The following NAT1 variants were observed in gnomAD, a reference collection of about 807,000 sequenced individuals.
NAT1 encodes the protein N-acetyltransferase 1.
For synonymous variants in NAT1, 144 were observed against 122.6 expected, an observed-to-expected ratio of 1.17 and a Z score of -1.16; for missense variants, 400 against 339.2, an observed-to-expected ratio of 1.18 and a Z score of -1.41.
intron 2 of NAT1, among the ~76,000 whole-genome samples, chr8:18,195,534 T>C (rs528584580): frequency 2.5e-3 from 379 of 152,332 alleles, no homozygotes; most frequent in Non-Finnish European, 4.7e-3. Context: ...CAGAGAACTG[T>C]ATACGCTTCC....
chr8:18,176,701 G>A (rs1802308103), intron 2 of NAT1, among the ~76,000 whole-genome samples: 1 of 151,546 alleles, frequency 6.6e-6, no homozygotes, highest in Admixed American at 6.6e-5. Flanking sequence ...GCTATTCAGG[G>A]TCTTTGTGGT....
intron 1 of NAT1, chr8:18,216,856 T>C (rs1375937623): frequency 1.4e-6 from 2 of 1,456,708 alleles, no homozygotes; most frequent in Admixed American, 4.0e-5. Context: ...TCATAAGAAC[T>C]CATAATTATT....
intron 1 of NAT1, among the ~76,000 whole-genome samples, chr8:18,215,673 T>C (rs9325827): frequency 0.14 from 21,319 of 152,170 alleles, 1,810 homozygotes; most frequent in East Asian, 0.37. Flanking sequence ...TTTTTTTGTA[T>C]ATAACTTTTG....
chr8:18,199,456 A>G (rs534892292), intron 2 of NAT1, among the ~76,000 whole-genome samples: 40 of 152,092 alleles, frequency 2.6e-4, no homozygotes, highest in Admixed American at 1.8e-3. Flanking sequence ...CACGAAAAAA[A>G]TCTAGGGGAG....
chr8:18,215,354 C>A lies in NAT1; in HGVS notation c.-85-4057C>A, dbSNP rs115275221. ...TTGACTGCGTTCTATTTTATTCTAT[C>A]TTAATTGCTTTATCATTTCATTAGC... On this transcript the variant is annotated intron_variant, in intron 1 of 2. Transcript: ENST00000307719. Among the ~76,000 whole-genome samples, 506 of 152,276 alleles carry A rather than the reference C, an allele frequency of 3.3e-3. 3 individuals are homozygous for A. The highest frequency in any genetic ancestry group is 0.012 in the African/African-American group (489 of 41,560).
intron 2 of NAT1, among the ~76,000 whole-genome samples, chr8:18,202,925 C>T (rs1027096007): frequency 9.2e-5 from 14 of 152,058 alleles, no homozygotes; most frequent in East Asian, 3.9e-4. Context: ...ATTTTAGAGG[C>T]GCTGATTGGT....
intron 2 of NAT1, among the ~76,000 whole-genome samples, chr8:18,189,707 G>A (rs1802901777): frequency 6.6e-6 from 1 of 152,174 alleles, no homozygotes; most frequent in African/African-American, 2.4e-5. Context: ...GTTACACTGT[G>A]TTCCACCTGC....
intron 1 of NAT1, among the ~76,000 whole-genome samples, chr8:18,212,001 A>G (rs181276013): frequency 6.6e-6 from 1 of 152,196 alleles, no homozygotes; most frequent in African/African-American, 2.4e-5. Flanking sequence ...TCATAGGCAG[A>G]CTACCTCTGG....
intron 2 of NAT1, among the ~76,000 whole-genome samples, chr8:18,196,042 A>C (rs762892582): frequency 6.6e-6 from 1 of 152,188 alleles, no homozygotes; most frequent in Non-Finnish European, 1.5e-5. Context: ...CCAAGGATTA[A>C]TTTACAGAAA....
At chr8:18,184,973 T>A (rs1054608427) in intron 2 of NAT1, among the ~76,000 whole-genome samples, 2 of 152,228 alleles carry the variant, frequency 1.3e-5, no homozygotes, top group African/African-American at 4.8e-5. Context: ...TCAACTTGGT[T>A]GTGGGCTGCT....
intron 2 of NAT1, among the ~76,000 whole-genome samples, chr8:18,199,629 G>T (rs1311451525): frequency 6.6e-6 from 1 of 152,084 alleles, no homozygotes; most frequent in Non-Finnish European, 1.5e-5. Flanking sequence ...TGAACTCTTT[G>T]GCTTTTGGGA....
chr8:18,221,224 C>G (rs916722783), intron 2 of NAT1, among the ~76,000 whole-genome samples: 8 of 151,892 alleles, frequency 5.3e-5, no homozygotes, highest in African/African-American at 1.9e-4. Flanking sequence ...TTTCTGTTTT[C>G]CTACTTGGAA....
At position 18,222,257 on chromosome 8, in the gene NAT1, G is replaced by T; in HGVS notation, c.210G>T (p.Gln70His). 6.2e-7 allele frequency: 1 copy of T among 1,614,100 alleles called. No homozygotes were observed. Among genetic ancestry groups the T allele is most frequent in the South Asian group, 1.1e-5 (1 of 91,080 alleles). Residue 70 changes from glutamine to histidine, a missense_variant, in exon 3 of 3, where the codon CAG becomes CAT. Physicochemically the swap from Gln to His is conservative, Grantham distance 24. Coordinates refer to ENST00000307719, the MANE Select transcript of NAT1 (RefSeq NM_000662.8). ...VRRNRGGWCL[Q>H]VNHLLYWALT... ...GAAATCGGGGTGGATGGTGTCTCCA[G>T]GTCAATCATCTTCTGTACTGGGCTC... is the stretch of plus-strand genomic sequence containing the variant.
chr8:18,222,223 T>G lies in NAT1; in HGVS notation c.176T>G (p.Val59Gly). Residue 59 changes from valine to glycine, a missense_variant, in exon 3 of 3, where the codon GTT (valine) becomes GGT (glycine). Physicochemically the swap from Val to Gly is moderately radical, Grantham distance 109. Transcript: ENST00000307719. ...GGCTTAGAGGCCATTTTTGATCAAG[T>G]TGTGAGAAGAAATCGGGGTGGATGG... Reference protein sequence around the residue: ...DLGLEAIFDQVVRRNRGGWCL... With the variant: ...DLGLEAIFDQGVRRNRGGWCL... 6.2e-6 allele frequency: 10 copies of G among 1,614,082 alleles called. No homozygotes were observed. The highest frequency in any genetic ancestry group is 8.5e-6 in the Non-Finnish European group (10 of 1,179,986).
At chr8:18,221,867 A>T in intron 2 of NAT1, 175 bp from the exon 3 acceptor site, 2 of 595,176 alleles carry the variant, frequency 3.4e-6, no homozygotes, top group Non-Finnish European at 5.5e-6. Flanking sequence ...GGATTCTGGG[A>T]CTATTAACTG....
Position 18,195,470 on chromosome 8 carries a change from G to A in NAT1, n.93-14311G>A, listed in dbSNP as rs1450134064. On this transcript the variant is annotated intron_variant and non_coding_transcript_variant, in intron 2 of 4. Coordinates refer to the NAT1 transcript ENST00000517441. ...CTAGGCTCCCTTAACACCTGTAATA[G>A]CTGGACAAAGGAAGAAAGTCGTGCT... Among the ~76,000 whole-genome samples the A allele has an allele frequency of 3.0e-5, 4 of 132,302 alleles. No individual in the cohort carries two copies. In the South Asian group the frequency reaches 9.5e-4, roughly 31 times the overall value. 86.8% of individuals were successfully genotyped at this position (132,302 alleles called of 152,430 possible). A position where few individuals can be genotyped will look rare whatever the true frequency, so the allele number is the denominator to read the frequency against.
chr8:18,198,407 A>T (rs1025104429), intron 2 of NAT1, among the ~76,000 whole-genome samples: 1 of 152,188 alleles, frequency 6.6e-6, no homozygotes, highest in Non-Finnish European at 1.5e-5. Flanking sequence ...ACCACATAAG[A>T]TTCTTAAATC....
Position 18,194,460 on chromosome 8 carries a change from C to G in NAT1, n.93-15321C>G, listed in dbSNP as rs192181150. On this transcript the variant is annotated intron_variant and non_coding_transcript_variant, in intron 2 of 4. Coordinates refer to the NAT1 transcript ENST00000517441. ...TGAGTCCACTTGTGATGGTGGAGGT[C>G]TGTTATCTCCATATAGAGAGTTTAA... Among the ~76,000 whole-genome samples, 407 of 152,234 alleles carry G rather than the reference C, an allele frequency of 2.7e-3. 1 individual carries two copies. The highest frequency in any genetic ancestry group is 3.6e-3 in the Non-Finnish European group (245 of 68,024).
upstream of NAT1, among the ~76,000 whole-genome samples, chr8:18,207,515 G>A (rs1222373951): frequency 6.6e-6 from 1 of 152,054 alleles, no homozygotes; most frequent in Non-Finnish European, 1.5e-5. Context: ...TCCTATCCAT[G>A]AGCTCACCAT....
Sources: gnomAD v4.1 joint callset for allele counts (sites outside exome capture counted in the v4.1 genomes callset) on GRCh38, gnomAD v4.1.1 for gene constraint, MANE v1.5 for transcripts, NCBI Gene and HGNC (gene_info 2026-07-23, HGNC 2026-07-21) for gene names.